Variants in SHISA6 observed in about 807,000 individuals in gnomAD.
SHISA6 encodes protein shisa-6.
In SHISA6, 22 loss-of-function variants were observed where a neutral mutation model predicts 47.9. The ratio of observed to expected loss-of-function variants is 0.46; its 90% CI spans 0.33 to 0.66. SHISA6 has a LOEUF of 0.66. Among genes scored for constraint, SHISA6 ranks in the 30% least tolerant of loss-of-function variants. The probability of loss-of-function intolerance (pLI) is 0.02; values close to 1 mark genes in which losing one functional copy is unlikely to be tolerated. For synonymous variants in SHISA6, 388 were observed against 337.8 expected, an observed-to-expected ratio of 1.15 and a Z score of -1.63; for missense variants, 680 against 764.6, an observed-to-expected ratio of 0.89 and a Z score of 1.30.
chr17:11,530,407 T>C (rs2071722183), intron 3 of SHISA6, among the ~76,000 whole-genome samples: 1 of 152,252 alleles, frequency 6.6e-6, no homozygotes, highest in Non-Finnish European at 1.5e-5. Context: ...TCTCAGTTTG[T>C]TCGGCATTGT....
At chr17:11,252,188 T>C (rs1907836937) in intron 1 of SHISA6, among the ~76,000 whole-genome samples, 1 of 152,148 alleles carries the variant, frequency 6.6e-6, no homozygotes, top group Non-Finnish European at 1.5e-5. Flanking sequence ...CAGTGAGACC[T>C]CTGGGCGGCT....
Position 11,558,737 on chromosome 17 carries a change from GGATAGGCTAC to G in SHISA6, c.*434_*443del, listed in dbSNP as rs2072009825. The G allele has an allele frequency of 4.5e-6, 1 of 222,024 alleles. No individual in the cohort carries two copies. Among genetic ancestry groups the G allele is most frequent in the Non-Finnish European group, 9.0e-6 (1 of 111,470 alleles). The allele number at this position is 222,024 out of a possible 1,614,324, so 13.8% of individuals were successfully genotyped here. On this transcript the variant is annotated 3_prime_UTR_variant, in exon 6 of 6. Transcript: ENST00000441885. ...AGCGGGTCCAATCAGTGGGCTGACC[GGATAGGCTAC>G]TCGGTCTCATTCATTCATCTAGAAC...
At chr17:11,285,739 C>T (rs1188573355) in intron 2 of SHISA6, among the ~76,000 whole-genome samples, 3 of 152,082 alleles carry the variant, frequency 2.0e-5, no homozygotes, top group African/African-American at 4.8e-5. Flanking sequence ...TGGGAAAGGG[C>T]TCTTGTGCAC....
At chr17:11,362,608 T>TA (rs1418220707) in intron 2 of SHISA6, among the ~76,000 whole-genome samples, 3 of 152,240 alleles carry the variant, frequency 2.0e-5, no homozygotes, top group Non-Finnish European at 4.4e-5. Context: ...TTGCTGCTTA[T>TA]ATTACTGGCG....
In SHISA6 at chr17:11,367,949, C is replaced by G. The variant is rs1391230751; in HGVS notation, c.800-11465C>G. ...TTGGGAAGAGGTGTGGTCCCTTGAG[C>G]AGATGCTGGCCGGACAGCTCCCCCA... On this transcript the variant is annotated intron_variant, in intron 2 of 5. Transcript: ENST00000441885. 2.0e-5 allele frequency among the ~76,000 whole-genome samples: 3 copies of G among 152,174 alleles called. No individual in the cohort carries two copies. In the East Asian group the frequency reaches 5.8e-4, roughly 29 times the overall value.
intron 3 of SHISA6, among the ~76,000 whole-genome samples, chr17:11,526,402 G>A (rs984057810): frequency 6.6e-6 from 1 of 152,160 alleles, no homozygotes; most frequent in Non-Finnish European, 1.5e-5. Context: ...TCAAAGTTGT[G>A]CCTGCAGACT....
intron 3 of SHISA6, among the ~76,000 whole-genome samples, chr17:11,529,459 C>A (rs1164233983): frequency 2.0e-5 from 3 of 152,096 alleles, no homozygotes; most frequent in East Asian, 1.9e-4. Context: ...ATAATAAATT[C>A]TTATCTCATG....
chr17:11,389,926 G>C (rs1185899688), intron 3 of SHISA6, among the ~76,000 whole-genome samples: 1 of 152,206 alleles, frequency 6.6e-6, no homozygotes, highest in Non-Finnish European at 1.5e-5. Context: ...GGTAGGAATG[G>C]CTTCTCTATG....
intron 1 of SHISA6, among the ~76,000 whole-genome samples, chr17:11,249,137 C>CAAAA (rs139559354): frequency 1.7e-5 from 1 of 60,488 alleles, no homozygotes; most frequent in East Asian, 5.6e-4. Context: ...GACTCCGTCT[C>CAAAA]AAAAAAAAAA....
chr17:11,455,118 G>A (rs528331770), intron 3 of SHISA6, among the ~76,000 whole-genome samples: 9 of 152,164 alleles, frequency 5.9e-5, no homozygotes, highest in Non-Finnish European at 1.0e-4. Context: ...GCAGTGAGCC[G>A]AGATCACGCC....
At chr17:11,319,138 G>A (rs955586498) in intron 2 of SHISA6, among the ~76,000 whole-genome samples, 52 of 149,478 alleles carry the variant, frequency 3.5e-4, no homozygotes, top group Middle Eastern at 3.6e-3. Context: ...GAGTGTAATG[G>A]CATGATCTTG....
At chr17:11,307,139 TTTTC>T (rs1044707838) in intron 2 of SHISA6, among the ~76,000 whole-genome samples, 3 of 34,352 alleles carry the variant, frequency 8.7e-5, no homozygotes, top group African/African-American at 1.7e-4. Context: ...TGTTTGTTTG[TTTTC>T]TTTTTTTTTC....
At chr17:11,294,087 T>C (rs1909653159) in intron 2 of SHISA6, among the ~76,000 whole-genome samples, 1 of 152,070 alleles carries the variant, frequency 6.6e-6, no homozygotes, top group South Asian at 2.1e-4. Context: ...AGTTTCACCA[T>C]GTTGACCAGG....
intron 1 of SHISA6, among the ~76,000 whole-genome samples, chr17:11,254,713 C>G (rs1490571631): frequency 6.6e-6 from 1 of 152,232 alleles, no homozygotes. Context: ...CTGAGATCCA[C>G]TTCCTGGAGT....
At chr17:11,271,753 C>T (rs796356166) in intron 2 of SHISA6, among the ~76,000 whole-genome samples, 2 of 152,186 alleles carry the variant, frequency 1.3e-5, no homozygotes, top group African/African-American at 4.8e-5. Context: ...AGCCACCACG[C>T]CCAGCCCCAT....
intron 2 of SHISA6, among the ~76,000 whole-genome samples, chr17:11,309,690 G>C (rs1910249109): frequency 6.6e-6 from 1 of 152,202 alleles, no homozygotes. Context: ...TAAATCAAGT[G>C]AATAGATGTT....
At chr17:11,277,280 T>TCTCTCTCTCTCCCACACACACA (rs1386997909) in intron 2 of SHISA6, among the ~76,000 whole-genome samples, 2 of 53,864 alleles carry the variant, frequency 3.7e-5, no homozygotes, top group Non-Finnish European at 6.7e-5. Flanking sequence ...TCTCTCTCTC[T>TCTCTCTCTCTCCCACACACACA]CACACACACA....
chr17:11,382,116 A>C (rs1913031670), intron 3 of SHISA6, among the ~76,000 whole-genome samples: 1 of 152,174 alleles, frequency 6.6e-6, no homozygotes, highest in African/African-American at 2.4e-5. Flanking sequence ...TCTGTTGCCC[A>C]GGCTGAAGTA....
Position 11,390,185 on chromosome 17 carries a change from T to A in SHISA6, c.895+10676T>A, listed in dbSNP as rs180749463. On this transcript the variant is annotated intron_variant, in intron 3 of 5. Transcript: ENST00000441885. Reference sequence around the variant, plus strand: ...AACGTAAATTTTCTTCATTCAGTGGTTGTTGGAAGAAGAAAACTGGTGAAG... The same window carrying A: ...AACGTAAATTTTCTTCATTCAGTGGATGTTGGAAGAAGAAAACTGGTGAAG... 9.8e-5 allele frequency among the ~76,000 whole-genome samples: 15 copies of A among 152,314 alleles called. No individual in the cohort carries two copies. In the East Asian group the frequency reaches 2.9e-3, roughly 29 times the overall value.
Sources: gnomAD v4.1 joint callset for allele counts (sites outside exome capture counted in the v4.1 genomes callset) on GRCh38, gnomAD v4.1.1 for gene constraint, MANE v1.5 for transcripts, NCBI Gene and HGNC (gene_info 2026-07-23, HGNC 2026-07-21) for gene names.